The following TRAF7 variants were observed in gnomAD, a reference collection of about 807,000 sequenced individuals.
TRAF7 encodes E3 ubiquitin-protein ligase TRAF7.
Under a neutral mutation model 89.3 loss-of-function variants are expected in TRAF7, and 45 were observed. The ratio of observed to expected loss-of-function variants is 0.50; its 90% CI spans 0.40 to 0.65. The LOEUF (loss-of-function observed/expected upper bound fraction) is 0.65, where lower values mean the gene tolerates loss of function less well. Ranked by LOEUF, TRAF7 falls within the 30% of genes least tolerant of loss-of-function variation. The pLI, the probability that TRAF7 is intolerant of heterozygous loss-of-function variation, is 0.00. For synonymous variants in TRAF7, 406 were observed against 369.2 expected (o/e 1.10, Z -1.14); for missense variants, 677 against 918.1 (o/e 0.74, Z 3.39).
In TRAF7 at chr16:2,176,733, G is replaced by T; in HGVS notation, c.*159G>T. The T allele has an allele frequency of 9.2e-7, 1 of 1,086,314 alleles. No homozygotes were observed. Among genetic ancestry groups the T allele is most frequent in the Non-Finnish European group, 1.4e-6 (1 of 736,514 alleles). The allele number at this position is 1,086,314 out of a possible 1,614,324, so 67.3% of individuals were successfully genotyped here. On this transcript the variant is annotated 3_prime_UTR_variant, in exon 21 of 21. Coordinates refer to ENST00000326181, the MANE Select transcript of TRAF7 (RefSeq NM_032271.3). ...GTGCCCTCCCCGTCCCATGCTCGGC[G>T]AGCCTCCCTCTACTCGGCACTGTCC...
At chr16:2,171,439 G>T (rs553388871) in intron 6 of TRAF7, 83 bp downstream of exon 6, 12 of 1,537,082 alleles carry the variant, frequency 7.8e-6, no homozygotes, top group Non-Finnish European at 9.7e-6. Context: ...GGGCTGTGGC[G>T]CCCTGGCCTT....
intron 2 of TRAF7, among the ~76,000 whole-genome samples, 154 bp downstream of exon 2, chr16:2,164,155 TGTGTGCGCGCGCGC>T (rs913413807): frequency 6.1e-5 from 8 of 130,534 alleles, no homozygotes; most frequent in African/African-American, 2.4e-4. Context: ...TGTGTGTGTG[TGTGTGCGCGCGCGC>T]GCGCGCGCGC....
At chr16:2,156,049 C>G (rs890672918) in intron 1 of TRAF7, among the ~76,000 whole-genome samples, 191 bp downstream of exon 1, 1 of 152,086 alleles carries the variant, frequency 6.6e-6, no homozygotes, top group Non-Finnish European at 1.5e-5. Flanking sequence ...TGTCCGTCCG[C>G]CAGTCAGTAG....
chr16:2,177,183 G>GAGA lies in TRAF7; in HGVS notation c.*609_*610insAGA. 4.1e-6 allele frequency: 1 copy of GAGA among 245,722 alleles called. No individual in the cohort carries two copies. The highest frequency in any genetic ancestry group is 8.1e-6 in the Non-Finnish European group (1 of 124,090). 15.2% of individuals were successfully genotyped at this position (245,722 alleles called of 1,614,324 possible). ...CCCAAAAAGTGAGCCAGGCACCTCT[G>GAGA]TTTCCTGCTGTTTATTGACAGCCGA... On this transcript the variant is annotated 3_prime_UTR_variant, in exon 21 of 21. Coordinates refer to ENST00000326181, the MANE Select transcript of TRAF7 (RefSeq NM_032271.3).
rs2093123180 is a variant in TRAF7 at position 2,173,727 on chromosome 16, G to C, written c.1087-61G>C. ...GGCCCAGGGCAGCAGGGGCAGAGAG[G>C]CTGCACTGGCCCCACAGCAGCCCTG... On this transcript the variant is annotated intron_variant, in intron 11 of 20. Transcript: ENST00000326181. The C allele has an allele frequency of 2.5e-6, 4 of 1,601,772 alleles. No homozygotes were observed. The South Asian group carries it at 4.4e-5, about 18-fold the overall frequency.
chr16:2,174,783 G>C (rs536081391), intron 14 of TRAF7, among the ~76,000 whole-genome samples: 6 of 152,214 alleles, frequency 3.9e-5, no homozygotes, highest in Non-Finnish European at 8.8e-5. Flanking sequence ...GCAAGTAAGC[G>C]TGTGCGTGAG....
In TRAF7 at chr16:2,176,060, T is replaced by C; in HGVS notation, c.1758T>C (p.Ile586=). 1 of 1,608,732 alleles carries C rather than the reference T, an allele frequency of 6.2e-7. No homozygotes were observed. The highest frequency in any genetic ancestry group is 8.5e-7 in the Non-Finnish European group (1 of 1,177,096). ...CCCACCCCTCCCAGGTGTGGGACAT[T>C]GAGTCCAAGGAGCAGGTGCGGACCC... ...TYENLIHVWD[I]ESKEQVRTLT... The change falls in exon 19 of 21, where the codon ATT becomes ATC. Residue 586 remains isoleucine (I), a synonymous_variant. Transcript: ENST00000326181.
chr16:2,174,185 C>T (rs2093125754), intron 13 of TRAF7, 66 bp from the exon 14 acceptor site: 3 of 1,595,690 alleles, frequency 1.9e-6, no homozygotes, highest in East Asian at 4.5e-5. Flanking sequence ...TCACTCATTC[C>T]TGTCATGCTG....
Position 2,168,368 on chromosome 16 carries a change from G to A in TRAF7, c.231+200G>A, listed in dbSNP as rs2093095385. On this transcript the variant is annotated intron_variant, in intron 4 of 20. Transcript: ENST00000326181. This position sits in a 1 kb window ranked among gnomAD's most constrained non-coding sequence, Gnocchi z 4.1. ...TCCTGTGGCTGGACTGTGGGTGGCA[G>A]GGGGCAGCCAGTGAGGGCAGCTGGG... is the stretch of plus-strand genomic sequence containing the variant. The A allele has an allele frequency of 1.8e-6, 1 of 544,486 alleles. No homozygotes were observed. The highest frequency in any genetic ancestry group is 3.3e-6 in the Non-Finnish European group (1 of 305,776). 33.7% of individuals were successfully genotyped at this position (544,486 alleles called of 1,614,324 possible). A position where few individuals can be genotyped will look rare whatever the true frequency, so the allele number is the denominator to read the frequency against.
intron 2 of TRAF7, among the ~76,000 whole-genome samples, chr16:2,165,046 G>C (rs1241090239): frequency 8.2e-6 from 1 of 122,360 alleles, no homozygotes; most frequent in Non-Finnish European, 1.6e-5. Flanking sequence ...GCATGGCCTG[G>C]CCTGGTCGCA....
chr16:2,171,512 C>T (rs2141285908), intron 6 of TRAF7, 60 bp from the exon 7 acceptor site: 1 of 1,610,652 alleles, frequency 6.2e-7, no homozygotes, highest in East Asian at 2.2e-5. Flanking sequence ...CTGCCATGGC[C>T]ATGGACTAGG....
chr16:2,164,167 CGCGCGCGCGCGCGCACGCGTGCGT>C (rs1158830657), intron 2 of TRAF7, among the ~76,000 whole-genome samples, 166 bp downstream of exon 2: 2 of 105,666 alleles, frequency 1.9e-5, no homozygotes, highest in Non-Finnish European at 3.9e-5. Flanking sequence ...TGTGCGCGCG[CGCGCGCGCGCGCGCACGCGTGCGT>C]GTGTGGTTGG....
intron 14 of TRAF7, 21 bp downstream of exon 14, chr16:2,174,354 G>A: frequency 6.2e-7 from 1 of 1,605,054 alleles, no homozygotes; most frequent in African/African-American, 1.3e-5. Flanking sequence ...GCACATGTGT[G>A]ATCAGTGATT....
rs2093064011 is a variant in TRAF7 at position 2,163,045 on chromosome 16, G to A, written c.-38-838G>A. 6.6e-6 allele frequency among the ~76,000 whole-genome samples: 1 copy of A among 152,180 alleles called. No homozygotes were observed. The highest frequency in any genetic ancestry group is 6.5e-5 in the Admixed American group (1 of 15,286). ...CTGTCCTGGGTGTGACCTGTTGGCT[G>A]GGTCTCTTTTTCTCTCTAATGTTTA... On this transcript the variant is annotated intron_variant, in intron 1 of 20. Transcript: ENST00000326181. The surrounding 1 kb of genome is among the most constrained non-coding windows in gnomAD (Gnocchi z 4.3).
rs1237707824 is a variant in TRAF7 at position 2,171,699 on chromosome 16, C to T, written c.475+94C>T. On this transcript the variant is annotated intron_variant, in intron 7 of 20. Coordinates refer to ENST00000326181, the MANE Select transcript of TRAF7 (RefSeq NM_032271.3). ...TTCTCCCTTGTCCCCTGCACAGCGT[C>T]CGGCCCTGTTTGGCCTCTGCTGGGG... 37 of 1,588,482 alleles carry T rather than the reference C, an allele frequency of 2.3e-5. 1 individual carries two copies. The highest frequency in any genetic ancestry group is 3.0e-5 in the Non-Finnish European group (35 of 1,162,888).
chr16:2,175,186 G>A, intron 15 of TRAF7, 36 bp downstream of exon 15: 1 of 1,613,120 alleles, frequency 6.2e-7, no homozygotes. Context: ...GCAGGAGGCG[G>A]CCCAGGCCCG....
chr16:2,169,201 C>T (rs1344954205), intron 4 of TRAF7, among the ~76,000 whole-genome samples: 1 of 152,160 alleles, frequency 6.6e-6, no homozygotes, highest in Non-Finnish European at 1.5e-5. Context: ...AGGCTGGTCT[C>T]GAACTCCCGA....
At chr16:2,164,151 TGTGTGTGTGC>T (rs957649631) in intron 2 of TRAF7, 150 bp downstream of exon 2, 3 of 559,442 alleles carry the variant, frequency 5.4e-6, no homozygotes, top group African/African-American at 4.5e-5. Flanking sequence ...TGTGTGTGTG[TGTGTGTGTGC>T]GCGCGCGCGC....
At chr16:2,165,218 G>A (rs1410122903) in intron 2 of TRAF7, among the ~76,000 whole-genome samples, 6 of 141,358 alleles carry the variant, frequency 4.2e-5, no homozygotes, top group Admixed American at 2.1e-4. Context: ...TGGCCTGGTC[G>A]CATGGTTAAG....
Sources: gnomAD v4.1 joint callset for allele counts (sites outside exome capture counted in the v4.1 genomes callset) on GRCh38, gnomAD v4.1.1 for gene constraint, Gnocchi (gnomAD v3.1) non-coding constraint, MANE v1.5 for transcripts, NCBI Gene and HGNC (gene_info 2026-07-23, HGNC 2026-07-21) for gene names.